KIF20B: variants seen among roughly 807,000 people sequenced by gnomAD.
KIF20B encodes the protein kinesin family member 20B, also known as kinesin-like protein KIF20B.
In KIF20B, 188 loss-of-function variants were observed where a neutral mutation model predicts 232.5. The observed-to-expected ratio is 0.81, with a 90% confidence interval of 0.72 to 0.91. KIF20B has a LOEUF of 0.91. Ranked by LOEUF, KIF20B falls within the 40% of genes least tolerant of loss-of-function variation. The probability of loss-of-function intolerance (pLI) is 0.00; values close to 1 mark genes in which losing one functional copy is unlikely to be tolerated. For synonymous variants in KIF20B, 712 were observed against 683.0 expected (o/e 1.04, Z -0.66); for missense variants, 2,154 against 2,055.9 (o/e 1.05, Z -0.92).
chr10:89,718,908 A>C (rs1842991516), intron 12 of KIF20B, 36 bp downstream of exon 12: 2 of 1,260,322 alleles, frequency 1.6e-6, no homozygotes, highest in Admixed American at 2.6e-5. Context: ...TTATTATTAG[A>C]ATATTAACAG....
chr10:89,774,078 T>C lies in KIF20B; in HGVS notation c.*30T>C. On this transcript the variant is annotated 3_prime_UTR_variant, in exon 33 of 33. Coordinates refer to ENST00000371728, the MANE Select transcript of KIF20B (RefSeq NM_001284259.2). Reference sequence around the variant, plus strand: ...CTTATGGAAATGTTTAATATAAATTTTATAGTCATAGTCATTGGAACTTGC... The same window carrying C: ...CTTATGGAAATGTTTAATATAAATTCTATAGTCATAGTCATTGGAACTTGC... The C allele has an allele frequency of 7.1e-7, 1 of 1,411,362 alleles. No individual in the cohort carries two copies. Among genetic ancestry groups the C allele is most frequent in the South Asian group, 1.4e-5 (1 of 73,582 alleles). The allele number at this position is 1,411,362 out of a possible 1,614,324, so 87.4% of individuals were successfully genotyped here. A position where few individuals can be genotyped will look rare whatever the true frequency, so the allele number is the denominator to read the frequency against.
intron 2 of KIF20B, among the ~76,000 whole-genome samples, chr10:89,706,127 A>G (rs1272548512): frequency 6.6e-6 from 1 of 152,204 alleles, no homozygotes; most frequent in Non-Finnish European, 1.5e-5. Context: ...CAATGTATGT[A>G]GGTTCCAGTG....
intron 29 of KIF20B, among the ~76,000 whole-genome samples, chr10:89,764,740 G>C (rs7342009): frequency 6.6e-6 from 1 of 150,642 alleles, no homozygotes; most frequent in South Asian, 2.1e-4. Flanking sequence ...TTTTGATGGG[G>C]TTGTTTGTTT....
chr10:89,748,814 C>T (rs1277690313), intron 23 of KIF20B, among the ~76,000 whole-genome samples: 3 of 151,844 alleles, frequency 2.0e-5, no homozygotes, highest in Non-Finnish European at 4.4e-5. Context: ...TTTTCTTTGC[C>T]AAATATGGAG....
At chr10:89,747,448 G>A (rs1841937479) in intron 23 of KIF20B, among the ~76,000 whole-genome samples, 1 of 151,982 alleles carries the variant, frequency 6.6e-6, no homozygotes, top group Non-Finnish European at 1.5e-5. Context: ...TATGTTTATA[G>A]CAGCACTATT....
chr10:89,727,251 T>C (rs1040093252), intron 16 of KIF20B, among the ~76,000 whole-genome samples: 3 of 149,036 alleles, frequency 2.0e-5, no homozygotes, highest in Non-Finnish European at 4.5e-5. Context: ...TTTTCTGTCT[T>C]CCCCCCCCCT....
chr10:89,722,916 T>G (rs1300214803), intron 13 of KIF20B, among the ~76,000 whole-genome samples: 2 of 152,186 alleles, frequency 1.3e-5, no homozygotes, highest in African/African-American at 4.8e-5. Flanking sequence ...ATTCTTTATA[T>G]AAAAATAAAT....
chr10:89,761,609 A>G lies in KIF20B; in HGVS notation c.4791+973A>G, dbSNP rs75080775. Among the ~76,000 whole-genome samples the G allele has an allele frequency of 5.8e-4, 88 of 152,256 alleles. 1 individual carries two copies. In the East Asian group the frequency reaches 0.016, roughly 27 times the overall value. On this transcript the variant is annotated intron_variant, in intron 28 of 32. Coordinates refer to ENST00000371728, the MANE Select transcript of KIF20B (RefSeq NM_001284259.2). The stretch of plus-strand genomic sequence containing the variant: ...CTACAGGCATGTGCCACCATGGCCA[A>G]CTGAGAAGGACATTTTAATCTGGGA...
chr10:89,764,247 T>TG (rs1195519376), intron 29 of KIF20B, among the ~76,000 whole-genome samples: 4 of 152,078 alleles, frequency 2.6e-5, no homozygotes, highest in African/African-American at 9.7e-5. Context: ...TATGGCTGCA[T>TG]GGTATTCCAT....
chr10:89,714,432 C>T (rs534126440), intron 7 of KIF20B, among the ~76,000 whole-genome samples: 32 of 152,082 alleles, frequency 2.1e-4, no homozygotes, highest in African/African-American at 6.0e-4. Context: ...GAGCCGAGAT[C>T]GCGCCACTGC....
At chr10:89,772,920 C>T in intron 32 of KIF20B, 89 bp downstream of exon 32, 4 of 1,140,036 alleles carry the variant, frequency 3.5e-6, no homozygotes, top group Middle Eastern at 2.3e-4. Flanking sequence ...TTCTTTAGAT[C>T]TCTGAAAACA....
In KIF20B at chr10:89,714,917, A is replaced by G. The variant is rs746637210; in HGVS notation, c.713-38A>G. ...TTGTCACGTTTTTAGTCAGTTGCTTACTTTCGTGATTGTTTTTTCTTTTTC... is the reference window on the plus strand; with the variant it reads ...TTGTCACGTTTTTAGTCAGTTGCTTGCTTTCGTGATTGTTTTTTCTTTTTC... On this transcript the variant is annotated intron_variant, in intron 7 of 32. Coordinates refer to ENST00000371728, the MANE Select transcript of KIF20B (RefSeq NM_001284259.2). 2.4e-6 allele frequency: 3 copies of G among 1,241,788 alleles called. No homozygotes were observed. In the Admixed American group the frequency reaches 6.5e-5, roughly 27 times the overall value. The allele number at this position is 1,241,788 out of a possible 1,614,324, so 76.9% of individuals were successfully genotyped here.
In KIF20B at chr10:89,737,818, C is replaced by T. The variant is rs765962967; in HGVS notation, c.2977C>T (p.Arg993Cys). The change falls in exon 20 of 33, where the codon CGT becomes TGT. Residue 993 changes from arginine (R) to cysteine (C), a missense_variant. Physicochemically the swap from Arg to Cys is radical, Grantham distance 180. Coordinates refer to ENST00000371728, the MANE Select transcript of KIF20B (RefSeq NM_001284259.2). ...KLMHTKIDEL[R>C]TLDSVSQISN... Reference sequence around the variant, plus strand: ...AATGCACACGAAAATAGACGAACTACGTACTCTTGATTCAGTTTCTCAGAT... The same window carrying T: ...AATGCACACGAAAATAGACGAACTATGTACTCTTGATTCAGTTTCTCAGAT... The T allele has an allele frequency of 9.9e-6, 16 of 1,613,084 alleles. No individual in the cohort carries two copies. Among genetic ancestry groups the T allele is most frequent in the South Asian group, 8.8e-5 (8 of 91,064 alleles).
In KIF20B at chr10:89,714,966, AACTC is replaced by A; in HGVS notation, c.725_728del (p.Asn242IlefsTer2). ...TCTTTTTTTTGTAGGAAGTTTAACT[AACTC>A]TTTGAATATCTCAGAGTTTGAAGAA... On this transcript the variant is annotated frameshift_variant, in exon 8 of 33. Coordinates refer to ENST00000371728, the MANE Select transcript of KIF20B (RefSeq NM_001284259.2). LOFTEE classifies it high-confidence loss of function. 1 of 1,555,176 alleles carries A rather than the reference AACTC, an allele frequency of 6.4e-7. No individual in the cohort carries two copies. The highest frequency in any genetic ancestry group is 1.4e-5 in the African/African-American group (1 of 72,100).
At chr10:89,712,526 A>G (rs1035121915) in intron 6 of KIF20B, among the ~76,000 whole-genome samples, 1 of 152,058 alleles carries the variant, frequency 6.6e-6, no homozygotes, top group Non-Finnish European at 1.5e-5. Context: ...AAGTGTTGAG[A>G]TTACATGTTT....
chr10:89,762,787 A>C lies in KIF20B; in HGVS notation c.4941A>C (p.Thr1647=), dbSNP rs1460833492. ...ACCCTGGTTGTACCACACCAGTGAC[A>C]GTTAAGATTCCCAAGGCTCGGAAGA... is the stretch of plus-strand genomic sequence containing the variant. ...VKHPGCTTPV[T]VKIPKARKRK... The change falls in exon 29 of 33, where the codon ACA becomes ACC. Residue 1647 remains threonine (T), a synonymous_variant. Transcript: ENST00000371728. 1 of 1,613,284 alleles carries C rather than the reference A, an allele frequency of 6.2e-7. No individual in the cohort carries two copies. The highest frequency in any genetic ancestry group is 1.3e-5 in the African/African-American group (1 of 74,894).
chr10:89,745,253 A>C (rs1589872066), intron 22 of KIF20B, among the ~76,000 whole-genome samples: 1 of 152,362 alleles, frequency 6.6e-6, no homozygotes, highest in African/African-American at 2.4e-5. Context: ...GGCTGGGCAC[A>C]GTCGCTCACG....
chr10:89,760,376 A>G, intron 27 of KIF20B, 150 bp from the exon 28 acceptor site: 3 of 562,066 alleles, frequency 5.3e-6, no homozygotes, highest in Non-Finnish European at 9.6e-6. Context: ...GAGAAATAGG[A>G]GGGCTAGGTG....
At chr10:89,728,901 T>G (rs1035848885) in intron 17 of KIF20B, among the ~76,000 whole-genome samples, 4 of 123,688 alleles carry the variant, frequency 3.2e-5, no homozygotes, top group Non-Finnish European at 5.4e-5. Flanking sequence ...AGCTTCTTTT[T>G]TCTTTGTGTG....
Sources: gnomAD v4.1 joint callset for allele counts (sites outside exome capture counted in the v4.1 genomes callset) on GRCh38, gnomAD v4.1.1 for gene constraint, MANE v1.5 for transcripts, NCBI Gene and HGNC (gene_info 2026-07-23, HGNC 2026-07-21) for gene names.